HSF5: variants seen among roughly 807,000 people sequenced by gnomAD.
The protein encoded by HSF5 is heat shock transcription factor 5, also known as heat shock factor protein 5.
In HSF5, 5 loss-of-function variants were observed where a neutral mutation model predicts 50.8. The ratio of observed to expected loss-of-function variants is 0.10; its 90% CI spans 0.05 to 0.21. The LOEUF (loss-of-function observed/expected upper bound fraction) is 0.21, where lower values mean the gene tolerates loss of function less well. Ranked by LOEUF, HSF5 falls within the 10% of genes least tolerant of loss-of-function variation. HSF5 has a pLI of 1.00. For missense variants in HSF5, 564 were observed against 762.6 expected (o/e 0.74, Z 3.07); for synonymous variants, 307 against 307.4 (o/e 1.00, Z 0.02).
At chr17:58,469,590 T>C (rs1974918571) in intron 2 of HSF5, among the ~76,000 whole-genome samples, 2 of 152,168 alleles carry the variant, frequency 1.3e-5, no homozygotes, top group Non-Finnish European at 2.9e-5. Context: ...AAAGTATTAG[T>C]AAGTTTACTG....
intron 3 of HSF5, among the ~76,000 whole-genome samples, chr17:58,463,792 G>C (rs972921939): frequency 6.6e-6 from 1 of 152,194 alleles, no homozygotes; most frequent in Non-Finnish European, 1.5e-5. Context: ...GGGAAAAATG[G>C]ATGGAATATC....
intron 2 of HSF5, among the ~76,000 whole-genome samples, chr17:58,467,273 A>C (rs927692359): frequency 2.0e-5 from 3 of 152,224 alleles, no homozygotes; most frequent in African/African-American, 7.2e-5. Context: ...TTCTTATTGA[A>C]AGTAATTTCA....
chr17:58,448,178 A>C (rs1037230059), intron 5 of HSF5, among the ~76,000 whole-genome samples: 6 of 151,558 alleles, frequency 4.0e-5, no homozygotes, highest in Non-Finnish European at 7.4e-5. Flanking sequence ...AAAAAGAAAA[A>C]AGGAAATAGT....
At position 58,488,217 on chromosome 17, in the gene HSF5, G is replaced by A. The variant is rs1159735054; in HGVS notation, c.58C>T (p.Arg20Cys). 2 of 1,518,564 alleles carry A rather than the reference G, an allele frequency of 1.3e-6. No homozygotes were observed. The highest frequency in any genetic ancestry group is 8.7e-7 in the Non-Finnish European group (1 of 1,146,404). The allele number at this position is 1,518,564 out of a possible 1,614,324, so 94.1% of individuals were successfully genotyped here. ...CGGTAGCGCGGGCTGTTCACCAGGC[G>A]CCACAGCTTGGCGGGGAAGTTGTTG... is the stretch of plus-strand genomic sequence containing the variant. Reference protein sequence around the residue: ...NPNNFPAKLWRLVNSPRYRSI... With the variant: ...NPNNFPAKLWCLVNSPRYRSI... The change falls in exon 1 of 6, where the codon CGC (arginine) becomes TGC (cysteine). Residue 20 changes from arginine (R) to cysteine (C), a missense_variant. Physicochemically the swap from Arg to Cys is radical, Grantham distance 180. Coordinates refer to ENST00000323777, the MANE Select transcript of HSF5 (RefSeq NM_001080439.3). The surrounding 1 kb of genome is among the most constrained non-coding windows in gnomAD (Gnocchi z 4.1).
At position 58,422,238 on chromosome 17, in the gene HSF5, C is replaced by T. The variant is rs1974237388; in HGVS notation, c.*122G>A. 8.7e-6 allele frequency: 6 copies of T among 690,046 alleles called. No individual in the cohort carries two copies. The highest frequency in any genetic ancestry group is 3.8e-5 in the South Asian group (2 of 52,234). The allele number at this position is 690,046 out of a possible 1,614,324, so 42.7% of individuals were successfully genotyped here. A position where few individuals can be genotyped will look rare whatever the true frequency, so the allele number is the denominator to read the frequency against. ...CTCAATTAACAAAATTCTCAATTAA[C>T]GAAACAAAAAATACTTTTTTTTCCT... On this transcript the variant is annotated 3_prime_UTR_variant, in exon 6 of 6. Transcript: ENST00000323777.
chr17:58,424,892 T>G (rs1974274510), intron 5 of HSF5, among the ~76,000 whole-genome samples: 1 of 152,050 alleles, frequency 6.6e-6, no homozygotes, highest in Non-Finnish European at 1.5e-5. Context: ...AAAAGACAAA[T>G]ACTATATGAT....
intron 2 of HSF5, among the ~76,000 whole-genome samples, chr17:58,472,939 C>T (rs17741087): frequency 0.19 from 29,534 of 152,042 alleles, 3,020 homozygotes; most frequent in Non-Finnish European, 0.21. Context: ...CTGTTGTCCA[C>T]CCTATCTGGG....
intron 2 of HSF5, among the ~76,000 whole-genome samples, chr17:58,477,646 G>C (rs1464570340): frequency 2.6e-5 from 4 of 151,564 alleles, no homozygotes; most frequent in African/African-American, 9.7e-5. Flanking sequence ...ATTTTTAGTA[G>C]AGACAGGGTT....
intron 1 of HSF5, among the ~76,000 whole-genome samples, chr17:58,480,840 T>G (rs1471706298): frequency 6.6e-6 from 1 of 151,970 alleles, no homozygotes; most frequent in Non-Finnish European, 1.5e-5. Context: ...CAGGTTGCAG[T>G]GCAGTGATGT....
chr17:58,446,703 C>T (rs953069646), intron 5 of HSF5, among the ~76,000 whole-genome samples: 1 of 152,222 alleles, frequency 6.6e-6, no homozygotes, highest in Non-Finnish European at 1.5e-5. Context: ...AGCCCTAACA[C>T]TGTACTGCTG....
At chr17:58,450,387 G>A (rs754524856) in intron 5 of HSF5, among the ~76,000 whole-genome samples, 1 of 142,456 alleles carries the variant, frequency 7.0e-6, no homozygotes, top group Admixed American at 7.1e-5. Flanking sequence ...TGAAAGTGAA[G>A]GGATGGAGAA....
chr17:58,460,352 T>C (rs1471661447), intron 4 of HSF5, among the ~76,000 whole-genome samples: 2 of 152,124 alleles, frequency 1.3e-5, no homozygotes, highest in African/African-American at 4.8e-5. Context: ...AAATTTTCTT[T>C]GGAATGTAAA....
intron 5 of HSF5, among the ~76,000 whole-genome samples, chr17:58,450,625 T>C (rs1214660217): frequency 6.7e-6 from 1 of 150,016 alleles, no homozygotes; most frequent in Non-Finnish European, 1.5e-5. Flanking sequence ...TGGTGGTGCA[T>C]GCCTGTAATC....
chr17:58,444,668 T>G (rs953217286), intron 5 of HSF5, among the ~76,000 whole-genome samples: 1 of 152,176 alleles, frequency 6.6e-6, no homozygotes, highest in Admixed American at 6.5e-5. Context: ...GACACTGGAC[T>G]TGGCAATGCT....
chr17:58,463,210 G>C lies in HSF5; in HGVS notation c.1114C>G (p.Leu372Val), dbSNP rs749808583. The C allele has an allele frequency of 6.2e-7, 1 of 1,614,120 alleles. No individual in the cohort carries two copies. The highest frequency in any genetic ancestry group is 8.5e-7 in the Non-Finnish European group (1 of 1,179,954). The stretch of plus-strand genomic sequence containing the variant: ...TCAACTATCTGAAAGACAGCCTCTA[G>C]GTTTACTTCTGTCTTTGTATTTTCA... ...TDENTKTEVNLEAVFQIVDEL... is the reference protein window; with the variant it reads ...TDENTKTEVNVEAVFQIVDEL... Residue 372 changes from leucine (L) to valine (V), a missense_variant, in exon 4 of 6, where the codon CTA becomes GTA. Leu to Val is a conservative substitution (Grantham distance 32). This residue lies in a region of HSF5 where 441 missense variants were observed against 533.6 expected (regional missense o/e 0.83). Transcript: ENST00000323777.
At chr17:58,446,618 G>A (rs1395354893) in intron 5 of HSF5, among the ~76,000 whole-genome samples, 1 of 152,170 alleles carries the variant, frequency 6.6e-6, no homozygotes, top group Non-Finnish European at 1.5e-5. Flanking sequence ...ATCCACTGTG[G>A]GCTGACTAAA....
At chr17:58,461,651 C>T (rs1445469030) in intron 4 of HSF5, among the ~76,000 whole-genome samples, 2 of 152,202 alleles carry the variant, frequency 1.3e-5, no homozygotes, top group African/African-American at 4.8e-5. Flanking sequence ...GCAGGTGGAT[C>T]ACCTGAGGTC....
chr17:58,460,776 T>C (rs1027540784), intron 4 of HSF5, among the ~76,000 whole-genome samples: 2 of 151,692 alleles, frequency 1.3e-5, no homozygotes, highest in African/African-American at 4.8e-5. Flanking sequence ...CCCAAAGTGC[T>C]GGGATTACAG....
At chr17:58,448,078 G>T (rs145164079) in intron 5 of HSF5, among the ~76,000 whole-genome samples, 1 of 138,950 alleles carries the variant, frequency 7.2e-6, no homozygotes, top group Non-Finnish European at 1.5e-5. Flanking sequence ...AAGTTGCAGC[G>T]AATTGAGATC....
Sources: gnomAD v4.1 joint callset for allele counts (sites outside exome capture counted in the v4.1 genomes callset) on GRCh38, gnomAD v4.1.1 for gene constraint, gnomAD v4.1.1 regional missense constraint, Gnocchi (gnomAD v3.1) non-coding constraint, MANE v1.5 for transcripts, NCBI Gene and HGNC (gene_info 2026-07-23, HGNC 2026-07-21) for gene names.